Variants in NELL1 observed in about 807,000 individuals in gnomAD.
NELL1 encodes the protein protein kinase C-binding protein NELL1.
Under a neutral mutation model 107.4 loss-of-function variants are expected in NELL1, and 76 were observed. The ratio of observed to expected loss-of-function variants is 0.71; its 90% CI spans 0.59 to 0.86. The LOEUF (loss-of-function observed/expected upper bound fraction) is 0.86, where lower values mean the gene tolerates loss of function less well. Ranked by LOEUF, NELL1 falls within the 40% of genes least tolerant of loss-of-function variation. The probability of loss-of-function intolerance (pLI) is 0.00; values close to 1 mark genes in which losing one functional copy is unlikely to be tolerated. For missense variants in NELL1, 1,024 were observed against 1,005.5 expected (o/e 1.02, Z -0.25); for synonymous variants, 353 against 341.2 (o/e 1.03, Z -0.38).
intron 13 of NELL1, among the ~76,000 whole-genome samples, chr11:21,225,098 G>A (rs1171321721): frequency 1.3e-5 from 2 of 152,116 alleles, no homozygotes; most frequent in Non-Finnish European, 2.9e-5. Flanking sequence ...TCCATCTCAT[G>A]TCACGATGCT....
At chr11:21,098,852 T>C (rs1409617720) in intron 12 of NELL1, among the ~76,000 whole-genome samples, 1 of 152,158 alleles carries the variant, frequency 6.6e-6, no homozygotes, top group Admixed American at 6.6e-5. Context: ...TGTGTGTTTG[T>C]GTATCCTAAA....
chr11:20,724,805 C>T (rs1793014), intron 2 of NELL1, among the ~76,000 whole-genome samples: 125,401 of 152,146 alleles, frequency 0.82, 52,028 homozygotes, highest in East Asian at 0.95. Flanking sequence ...CCCACTCTGC[C>T]GGTACCAATT....
At chr11:21,213,664 A>G (rs1256870130) in intron 13 of NELL1, among the ~76,000 whole-genome samples, 1 of 152,164 alleles carries the variant, frequency 6.6e-6, no homozygotes, top group Non-Finnish European at 1.5e-5. Context: ...ATAGAACAGA[A>G]TAGAGACCCC....
At chr11:21,293,482 G>A (rs1849314256) in intron 14 of NELL1, among the ~76,000 whole-genome samples, 1 of 152,130 alleles carries the variant, frequency 6.6e-6, no homozygotes, top group Admixed American at 6.6e-5. Flanking sequence ...CACTGTTGGT[G>A]GGAGTGTAAA....
chr11:21,003,779 TA>T (rs1018960149), intron 12 of NELL1, among the ~76,000 whole-genome samples: 6 of 152,068 alleles, frequency 3.9e-5, no homozygotes, highest in African/African-American at 7.2e-5. Context: ...TACCTTTTTT[TA>T]ATTTTTTTAT....
At chr11:21,176,093 G>T (rs1856706399) in intron 13 of NELL1, among the ~76,000 whole-genome samples, 1 of 151,870 alleles carries the variant, frequency 6.6e-6, no homozygotes, top group South Asian at 2.1e-4. Context: ...AGTAGACTCT[G>T]GATTTCTTCA....
At chr11:21,080,179 TC>T (rs1854232361) in intron 12 of NELL1, among the ~76,000 whole-genome samples, 1 of 152,064 alleles carries the variant, frequency 6.6e-6, no homozygotes, top group Non-Finnish European at 1.5e-5. Flanking sequence ...TCTTATTTTT[TC>T]ATTTCAATTA....
intron 12 of NELL1, among the ~76,000 whole-genome samples, chr11:21,098,760 A>G (rs1451289834): frequency 6.6e-6 from 1 of 151,926 alleles, no homozygotes; most frequent in Non-Finnish European, 1.5e-5. Context: ...AACTTTTTAG[A>G]TCAGCATTTG....
At chr11:20,928,331 T>C (rs759331553) in intron 8 of NELL1, 46 bp from the exon 9 acceptor site, 3 of 1,526,378 alleles carry the variant, frequency 2.0e-6, no homozygotes, top group Admixed American at 1.7e-5. Context: ...ACAGGAGCTA[T>C]CAAAGGATAC....
chr11:21,543,028 G>A (rs530473266), intron 16 of NELL1, among the ~76,000 whole-genome samples: 1 of 152,054 alleles, frequency 6.6e-6, no homozygotes, highest in East Asian at 1.9e-4. Context: ...GAAGAGACAT[G>A]TCAGGGTGGA....
chr11:21,560,716 G>A (rs936003919), intron 17 of NELL1, among the ~76,000 whole-genome samples: 2 of 152,002 alleles, frequency 1.3e-5, no homozygotes, highest in South Asian at 4.1e-4. Context: ...CTCATCCCAC[G>A]CTTATACAAA....
At chr11:21,128,548 T>C (rs1005942644) in intron 13 of NELL1, among the ~76,000 whole-genome samples, 2 of 152,172 alleles carry the variant, frequency 1.3e-5, no homozygotes, top group African/African-American at 4.8e-5. Context: ...AAATCTTACT[T>C]GTGAATCATC....
At chr11:21,461,621 C>A (rs1384636379) in intron 15 of NELL1, among the ~76,000 whole-genome samples, 1 of 152,044 alleles carries the variant, frequency 6.6e-6, no homozygotes, top group African/African-American at 2.4e-5. Context: ...ACTATAAAAT[C>A]TCCCTTAATT....
intron 14 of NELL1, among the ~76,000 whole-genome samples, chr11:21,335,442 G>T (rs1433351471): frequency 6.6e-6 from 1 of 152,012 alleles, no homozygotes; most frequent in Non-Finnish European, 1.5e-5. Flanking sequence ...AAATGCCAAA[G>T]ATCTAATCAA....
intron 2 of NELL1, among the ~76,000 whole-genome samples, chr11:20,700,461 A>T (rs1854747708): frequency 1.3e-5 from 2 of 152,078 alleles, no homozygotes; most frequent in Non-Finnish European, 2.9e-5. Flanking sequence ...CCTGAGCAAC[A>T]GAGTGAGACT....
chr11:20,950,185 T>C (rs1208650721), intron 11 of NELL1, among the ~76,000 whole-genome samples: 1 of 152,194 alleles, frequency 6.6e-6, no homozygotes, highest in African/African-American at 2.4e-5. Context: ...CATAACCTTC[T>C]TCCTTCTTGC....
At chr11:21,024,294 T>C (rs1016093148) in intron 12 of NELL1, among the ~76,000 whole-genome samples, 3 of 151,986 alleles carry the variant, frequency 2.0e-5, no homozygotes, top group African/African-American at 4.8e-5. Context: ...GCCAGAGGAG[T>C]GATCTTGACT....
At chr11:21,248,406 G>A (rs994688164) in intron 14 of NELL1, among the ~76,000 whole-genome samples, 1 of 152,010 alleles carries the variant, frequency 6.6e-6, no homozygotes, top group African/African-American at 2.4e-5. Context: ...CAGGAGAGAG[G>A]AAGTGCAGTA....
chr11:21,313,167 C>A (rs1247394036), intron 14 of NELL1, among the ~76,000 whole-genome samples: 1 of 152,144 alleles, frequency 6.6e-6, no homozygotes, highest in Non-Finnish European at 1.5e-5. Flanking sequence ...GATCTCTTCT[C>A]TTAAAAAGCA....
Sources: gnomAD v4.1 joint callset for allele counts (sites outside exome capture counted in the v4.1 genomes callset) on GRCh38, gnomAD v4.1.1 for gene constraint, MANE v1.5 for transcripts, NCBI Gene and HGNC (gene_info 2026-07-23, HGNC 2026-07-21) for gene names.